Variants in GOSR1 observed in about 807,000 individuals in gnomAD.
GOSR1 encodes the protein 28 kDa Golgi SNARE protein.
Under a neutral mutation model 35.5 loss-of-function variants are expected in GOSR1, and 21 were observed. The ratio of observed to expected loss-of-function variants is 0.59; its 90% CI spans 0.42 to 0.85. The LOEUF is 0.85. Ranked by LOEUF, GOSR1 falls within the 40% of genes least tolerant of loss-of-function variation. GOSR1 has a pLI of 0.00. For missense variants in GOSR1, 285 were observed against 309.6 expected (o/e 0.92, Z 0.60); for synonymous variants, 94 against 106.6 (o/e 0.88, Z 0.73).
intron 6 of GOSR1, among the ~76,000 whole-genome samples, chr17:30,493,256 A>G (rs1915159396): frequency 6.6e-6 from 1 of 152,058 alleles, no homozygotes; most frequent in Non-Finnish European, 1.5e-5. Flanking sequence ...GGCCTCCCAA[A>G]TTGCTGGGAT....
intron 7 of GOSR1, among the ~76,000 whole-genome samples, chr17:30,511,959 G>C (rs1363004108): frequency 1.3e-5 from 2 of 152,138 alleles, no homozygotes; most frequent in Non-Finnish European, 2.9e-5. Context: ...AAACAAAAAA[G>C]AAATTAAGTA....
chr17:30,502,871 A>C lies in GOSR1; in HGVS notation c.510-8009A>C, dbSNP rs539394639. 1.7e-3 allele frequency among the ~76,000 whole-genome samples: 261 copies of C among 152,368 alleles called. 1 individual carries two copies. The highest frequency in any genetic ancestry group is 6.0e-3 in the African/African-American group (250 of 41,580). ...AGCTTAATTGTATTCAGTTAACATA[A>C]TTGAAGAGATTAAATAAGAAATGTA... is the stretch of plus-strand genomic sequence containing the variant. On this transcript the variant is annotated intron_variant, in intron 6 of 8. Coordinates refer to ENST00000451249, the MANE Select transcript of GOSR1 (RefSeq NM_001007025.2).
chr17:30,504,247 G>A (rs541155307), intron 6 of GOSR1, among the ~76,000 whole-genome samples: 5 of 152,082 alleles, frequency 3.3e-5, no homozygotes, highest in African/African-American at 4.8e-5. Context: ...GGCTGGTCTC[G>A]AGCTCCTGAC....
chr17:30,509,816 C>T (rs562475635), intron 6 of GOSR1, among the ~76,000 whole-genome samples: 2 of 152,040 alleles, frequency 1.3e-5, no homozygotes, highest in Admixed American at 1.3e-4. Flanking sequence ...TAAAAAAAAG[C>T]CTGTTTCCCA....
chr17:30,509,435 T>C (rs983310059), intron 6 of GOSR1, among the ~76,000 whole-genome samples: 17 of 152,352 alleles, frequency 1.1e-4, no homozygotes, highest in Admixed American at 7.8e-4. Context: ...TAAAGCTCAT[T>C]TGTTCCCTAA....
chr17:30,477,617 G>A (rs1347095356), intron 1 of GOSR1, 153 bp downstream of exon 1: 8 of 1,393,160 alleles, frequency 5.7e-6, no homozygotes, highest in Non-Finnish European at 7.5e-6. Context: ...CCGGGGCCTT[G>A]GGGATACCGA....
intron 7 of GOSR1, among the ~76,000 whole-genome samples, chr17:30,513,393 T>C (rs1466448921): frequency 2.0e-5 from 3 of 152,218 alleles, no homozygotes; most frequent in African/African-American, 7.2e-5. Flanking sequence ...TATTTAGAGC[T>C]TATATTTTGC....
chr17:30,481,700 G>T lies in GOSR1; in HGVS notation c.146+443G>T, dbSNP rs140132947. 6.3e-3 allele frequency among the ~76,000 whole-genome samples: 954 copies of T among 152,252 alleles called. 11 individuals carry two copies. Among genetic ancestry groups the T allele is most frequent in the African/African-American group, 0.021 (870 of 41,544 alleles). Reference sequence around the variant, plus strand: ...GGTATCTAATGCACTGTGTATCCTTGTTATTAATTATCAAAGCTATCTTTA... The same window carrying T: ...GGTATCTAATGCACTGTGTATCCTTTTTATTAATTATCAAAGCTATCTTTA... On this transcript the variant is annotated intron_variant, in intron 2 of 8. Coordinates refer to ENST00000451249, the MANE Select transcript of GOSR1 (RefSeq NM_001007025.2).
intron 4 of GOSR1, among the ~76,000 whole-genome samples, chr17:30,489,091 A>G (rs1035025801): frequency 1.3e-5 from 2 of 152,170 alleles, no homozygotes; most frequent in African/African-American, 4.8e-5. Flanking sequence ...ATATGTAAAA[A>G]CATATTTCCT....
intron 1 of GOSR1, chr17:30,478,096 T>A: frequency 4.8e-6 from 1 of 209,208 alleles, no homozygotes; most frequent in Non-Finnish European, 8.3e-6. Context: ...AGAGAACCTG[T>A]GTGAATTGCA....
At chr17:30,519,486 G>A (rs1054211518) in intron 7 of GOSR1, among the ~76,000 whole-genome samples, 1 of 152,050 alleles carries the variant, frequency 6.6e-6, no homozygotes, top group South Asian at 2.1e-4. Flanking sequence ...ATTAAGGGCT[G>A]GTTGTGTATT....
Position 30,522,132 on chromosome 17 carries a change from G to A in GOSR1, c.623-122G>A, listed in dbSNP as rs569029519. On this transcript the variant is annotated intron_variant, in intron 8 of 8. Coordinates refer to ENST00000451249, the MANE Select transcript of GOSR1 (RefSeq NM_001007025.2). Reference sequence around the variant, plus strand: ...TCTGCTAAAGATTCCCTTGGTGTGAGTTTCTTCCCCATGCCTTTCATCACT... The same window carrying A: ...TCTGCTAAAGATTCCCTTGGTGTGAATTTCTTCCCCATGCCTTTCATCACT... The A allele has an allele frequency of 3.1e-5, 24 of 774,152 alleles. No homozygotes were observed. In the African/African-American group the frequency reaches 4.2e-4, roughly 14 times the overall value. 48.0% of individuals were successfully genotyped at this position (774,152 alleles called of 1,614,324 possible). A position where few individuals can be genotyped will look rare whatever the true frequency, so the allele number is the denominator to read the frequency against.
At chr17:30,484,639 TG>T (rs755068528) in intron 3 of GOSR1, 23 bp from the exon 4 acceptor site, 40 of 1,094,990 alleles carry the variant, frequency 3.7e-5, no homozygotes, top group Middle Eastern at 2.1e-4. Context: ...ATATTTTGAT[TG>T]TTTTTTTTTT....
chr17:30,489,292 A>G (rs1379468199), intron 4 of GOSR1, among the ~76,000 whole-genome samples: 1 of 152,224 alleles, frequency 6.6e-6, no homozygotes, highest in Non-Finnish European at 1.5e-5. Context: ...CCAAGGCACT[A>G]GAATCGCTTG....
rs1968111302 is a variant in GOSR1 at position 30,523,366 on chromosome 17, G to A, written c.*988G>A. On this transcript the variant is annotated 3_prime_UTR_variant, in exon 9 of 9. Transcript: ENST00000451249. ...GGCCGCGACCCCGTCTGGGAGGTGA[G>A]GAGCGTCTCTGTCTGGCCACCCCGT... The A allele has an allele frequency of 1.1e-5, 2 of 178,206 alleles. No homozygotes were observed. The highest frequency in any genetic ancestry group is 2.4e-5 in the African/African-American group (1 of 41,520). 11.0% of individuals were successfully genotyped at this position (178,206 alleles called of 1,614,324 possible).
chr17:30,477,411 C>T lies in GOSR1; in HGVS notation c.-23C>T, dbSNP rs1914006065. On this transcript the variant is annotated 5_prime_UTR_variant, in exon 1 of 9. Coordinates refer to ENST00000451249, the MANE Select transcript of GOSR1 (RefSeq NM_001007025.2). ...CCTGCATCGCCTCTGCTCCCCTATC[C>T]CGGCTGACGTTGGACGACAAAGATG... 1 of 1,607,306 alleles carries T rather than the reference C, an allele frequency of 6.2e-7. No individual in the cohort carries two copies.
chr17:30,492,378 A>C (rs1453196757), intron 5 of GOSR1, among the ~76,000 whole-genome samples: 2 of 152,242 alleles, frequency 1.3e-5, no homozygotes, highest in African/African-American at 4.8e-5. Context: ...AAATGAAGAT[A>C]TCAGAGATAG....
intron 6 of GOSR1, among the ~76,000 whole-genome samples, chr17:30,502,830 A>G (rs565649523): frequency 6.4e-4 from 98 of 152,380 alleles, no homozygotes; most frequent in African/African-American, 2.3e-3. Flanking sequence ...AAAACAGTAT[A>G]TATGTATTCT....
intron 2 of GOSR1, 178 bp downstream of exon 2, chr17:30,481,435 A>G (rs749422550): frequency 2.1e-5 from 9 of 430,248 alleles, no homozygotes; most frequent in Non-Finnish European, 3.4e-5. Flanking sequence ...AATTCTCGAG[A>G]CTAGCATTTA....
Sources: gnomAD v4.1 joint callset for allele counts (sites outside exome capture counted in the v4.1 genomes callset) on GRCh38, gnomAD v4.1.1 for gene constraint, MANE v1.5 for transcripts, NCBI Gene and HGNC (gene_info 2026-07-23, HGNC 2026-07-21) for gene names.